PDE4D: variants seen among roughly 807,000 people sequenced by gnomAD.
The protein encoded by PDE4D is phosphodiesterase 4D, also known as 3',5'-cyclic-AMP phosphodiesterase 4D.
Under a neutral mutation model 87.4 loss-of-function variants are expected in PDE4D, and 24 were observed. The observed-to-expected ratio is 0.27, with a 90% CI of 0.20 to 0.39. PDE4D has a LOEUF of 0.39. PDE4D is among the 10% of genes least tolerant of loss of function. The pLI, the probability that PDE4D is intolerant of heterozygous loss-of-function variation, is 1.00. For synonymous variants in PDE4D, 384 were observed against 383.2 expected, an observed-to-expected ratio of 1.00 and a Z score of -0.02; for missense variants, 714 against 1,041.0, an observed-to-expected ratio of 0.69 and a Z score of 4.32.
intron 6 of PDE4D, among the ~76,000 whole-genome samples, chr5:59,009,621 T>C (rs941789832): frequency 1.3e-5 from 2 of 151,962 alleles, no homozygotes; most frequent in African/African-American, 4.8e-5. Context: ...AGAGAAAACT[T>C]TTTGGGTGGT....
intron 1 of PDE4D, among the ~76,000 whole-genome samples, chr5:60,231,243 CT>C (rs1329099207): frequency 6.6e-6 from 1 of 151,946 alleles, no homozygotes; most frequent in Non-Finnish European, 1.5e-5. Context: ...ACTGTCCTAG[CT>C]ATAGTGATTA....
chr5:59,206,718 G>A (rs1748871613), intron 2 of PDE4D, among the ~76,000 whole-genome samples: 1 of 152,102 alleles, frequency 6.6e-6, no homozygotes, highest in South Asian at 2.1e-4. Context: ...GCATGGAGTA[G>A]GTGCTACTGT....
At chr5:59,404,371 T>C (rs908014077) in intron 1 of PDE4D, among the ~76,000 whole-genome samples, 18 of 152,164 alleles carry the variant, frequency 1.2e-4, no homozygotes, top group African/African-American at 4.3e-4. Flanking sequence ...AAAAAATCTT[T>C]GCTCAGGCCA....
At chr5:59,558,007 T>C (rs754954711) in intron 1 of PDE4D, among the ~76,000 whole-genome samples, 1 of 152,220 alleles carries the variant, frequency 6.6e-6, no homozygotes, top group Non-Finnish European at 1.5e-5. Context: ...CTAGAGGGCA[T>C]ACACCTGGTT....
intron 1 of PDE4D, among the ~76,000 whole-genome samples, chr5:59,375,053 A>G (rs1226073627): frequency 6.6e-6 from 1 of 152,214 alleles, no homozygotes; most frequent in Non-Finnish European, 1.5e-5. Flanking sequence ...ACAGACATTT[A>G]TAGCATGAAA....
At chr5:59,922,952 T>C (rs1754833818) in intron 3 of PDE4D, among the ~76,000 whole-genome samples, 1 of 152,088 alleles carries the variant, frequency 6.6e-6, no homozygotes, top group Non-Finnish European at 1.5e-5. Flanking sequence ...GTTATGAACC[T>C]GCCCTCAGCA....
At chr5:60,484,904 C>A (rs1749015505) in intron 1 of PDE4D, among the ~76,000 whole-genome samples, 1 of 152,126 alleles carries the variant, frequency 6.6e-6, no homozygotes, top group Non-Finnish European at 1.5e-5. Context: ...GGATATTCAC[C>A]AATCTAGTAA....
At chr5:59,364,095 T>C (rs1782668928) in intron 1 of PDE4D, among the ~76,000 whole-genome samples, 1 of 152,204 alleles carries the variant, frequency 6.6e-6, no homozygotes, top group Non-Finnish European at 1.5e-5. Context: ...ATTGTTGTTA[T>C]TTGTTTTTGT....
At position 59,753,644 on chromosome 5, in the gene PDE4D, G is replaced by A. The variant is rs77211419; in HGVS notation, c.455+139524C>T. On this transcript the variant is annotated intron_variant, in intron 1 of 14. Transcript: ENST00000340635. ...AGGTCAAAGGAATAATTATGTAACC[G>A]GGGGTACTTTCAATTAAGGTGCTGG... is the stretch of plus-strand genomic sequence containing the variant. Among the ~76,000 whole-genome samples, 848 of 152,180 alleles carry A rather than the reference G, an allele frequency of 5.6e-3. 6 individuals carry two copies. The highest frequency in any genetic ancestry group is 0.031 in the East Asian group (158 of 5,180).
intron 1 of PDE4D, among the ~76,000 whole-genome samples, chr5:60,504,463 C>T (rs2150249132): frequency 6.6e-6 from 1 of 152,160 alleles, no homozygotes; most frequent in East Asian, 1.9e-4. Flanking sequence ...GCTCTTGAGA[C>T]TTTATTTCAT....
chr5:60,065,618 T>C (rs1057176377), intron 2 of PDE4D, among the ~76,000 whole-genome samples: 2 of 151,928 alleles, frequency 1.3e-5, no homozygotes, highest in Non-Finnish European at 2.9e-5. Flanking sequence ...CCCCAGAGTG[T>C]GATGTTCCCC....
chr5:59,298,806 G>T (rs1329087428), intron 1 of PDE4D, among the ~76,000 whole-genome samples: 1 of 152,128 alleles, frequency 6.6e-6, no homozygotes, highest in East Asian at 1.9e-4. Context: ...CCCTATGGAA[G>T]CTCCTATTTC....
chr5:60,491,867 C>G (rs563637301), upstream of PDE4D, among the ~76,000 whole-genome samples: 9 of 152,254 alleles, frequency 5.9e-5, no homozygotes, highest in African/African-American at 2.2e-4. Flanking sequence ...TCAGTTTCCT[C>G]CTATATAAAA....
intron 1 of PDE4D, among the ~76,000 whole-genome samples, chr5:59,479,699 T>C (rs1803919185): frequency 6.6e-6 from 1 of 152,148 alleles, no homozygotes; most frequent in Non-Finnish European, 1.5e-5. Context: ...TGAATATACA[T>C]ATATGTGTAT....
intron 1 of PDE4D, among the ~76,000 whole-genome samples, chr5:59,778,085 A>G (rs995908366): frequency 1.1e-4 from 16 of 152,218 alleles, no homozygotes; most frequent in African/African-American, 3.9e-4. Flanking sequence ...AAGACACACC[A>G]TGTGCTAGGT....
intron 6 of PDE4D, among the ~76,000 whole-genome samples, chr5:59,030,703 C>A (rs1019862421): frequency 3.3e-5 from 5 of 152,136 alleles, no homozygotes; most frequent in Non-Finnish European, 5.9e-5. Context: ...TGCACTCCAG[C>A]CTGAACAAAA....
chr5:59,740,890 C>G (rs1223564352), intron 1 of PDE4D, among the ~76,000 whole-genome samples: 1 of 152,180 alleles, frequency 6.6e-6, no homozygotes, highest in Non-Finnish European at 1.5e-5. Context: ...GTAAATTTAT[C>G]TATTAATTCA....
chr5:59,319,345 G>T (rs1200497999), intron 1 of PDE4D, among the ~76,000 whole-genome samples: 1 of 151,910 alleles, frequency 6.6e-6, no homozygotes, highest in African/African-American at 2.4e-5. Flanking sequence ...CTACTCTCCT[G>T]GTATAATACT....
chr5:60,480,766 T>C (rs1748670311), intron 1 of PDE4D, among the ~76,000 whole-genome samples: 1 of 152,156 alleles, frequency 6.6e-6, no homozygotes, highest in South Asian at 2.1e-4. Context: ...ATCTATTAAA[T>C]AGAATATAAT....
Sources: gnomAD v4.1 joint callset for allele counts (sites outside exome capture counted in the v4.1 genomes callset) on GRCh38, gnomAD v4.1.1 for gene constraint, MANE v1.5 for transcripts, NCBI Gene and HGNC (gene_info 2026-07-23, HGNC 2026-07-21) for gene names.